The following C14orf39 variants were observed in gnomAD, a reference collection of about 807,000 sequenced individuals.
The protein encoded by C14orf39 is chromosome 14 open reading frame 39, also known as protein SIX6OS1.
Under a neutral mutation model 85.6 loss-of-function variants are expected in C14orf39, and 66 were observed. The ratio of observed to expected loss-of-function variants is 0.77; its 90% CI spans 0.63 to 0.95. The LOEUF (loss-of-function observed/expected upper bound fraction) is 0.95, where lower values mean the gene tolerates loss of function less well. Ranked by LOEUF, C14orf39 falls within the 40% of genes least tolerant of loss-of-function variation. The probability of loss-of-function intolerance (pLI) is 0.00; values close to 1 mark genes in which losing one functional copy is unlikely to be tolerated. For synonymous variants in C14orf39, 242 were observed against 214.0 expected (o/e 1.13, Z -1.14); for missense variants, 735 against 663.9 (o/e 1.11, Z -1.18).
chr14:60,461,800 G>A (rs1439632461), intron 11 of C14orf39, among the ~76,000 whole-genome samples: 1 of 152,030 alleles, frequency 6.6e-6, no homozygotes, highest in Non-Finnish European at 1.5e-5. Flanking sequence ...AAAAGTTTAA[G>A]AAATTAATGT....
chr14:60,491,974 C>G lies in C14orf39; in HGVS notation c.-8-6888G>C, dbSNP rs887082365. Among the ~76,000 whole-genome samples, 1 of 152,172 alleles carries G rather than the reference C, an allele frequency of 6.6e-6. No individual in the cohort carries two copies. The highest frequency in any genetic ancestry group is 1.5e-5 in the Non-Finnish European group (1 of 68,030). ...GCATCACCAGGTACAACTACAGGTG[C>G]TTCCCTATTGATCATGTATTTACAA... On this transcript the variant is annotated intron_variant, in intron 2 of 5. Transcript: ENST00000556799. This position sits in a 1 kb window ranked among gnomAD's most constrained non-coding sequence, Gnocchi z 4.5.
intron 16 of C14orf39, among the ~76,000 whole-genome samples, chr14:60,447,723 C>T (rs1267341412): frequency 6.6e-6 from 1 of 152,118 alleles, no homozygotes; most frequent in Admixed American, 6.5e-5. Flanking sequence ...CCAAAAAAAG[C>T]CCGCATAGCC....
chr14:60,460,066 T>C (rs1436979058), intron 13 of C14orf39, among the ~76,000 whole-genome samples: 1 of 151,752 alleles, frequency 6.6e-6, no homozygotes, highest in African/African-American at 2.4e-5. Flanking sequence ...CTGAGAGCTT[T>C]ATAGTTTTTG....
chr14:60,441,659 C>T (rs376994461), intron 17 of C14orf39, among the ~76,000 whole-genome samples: 19 of 151,710 alleles, frequency 1.3e-4, no homozygotes, highest in Admixed American at 5.3e-4. Flanking sequence ...ATATAATACA[C>T]GTACATATTT....
intron 14 of C14orf39, among the ~76,000 whole-genome samples, chr14:60,458,427 C>T (rs1460517710): frequency 5.3e-5 from 8 of 151,854 alleles, no homozygotes; most frequent in African/African-American, 1.2e-4. Context: ...CCAGTTCCAA[C>T]GATGTTGCTG....
intron 1 of C14orf39, among the ~76,000 whole-genome samples, chr14:60,485,507 C>T (rs1892842416): frequency 6.6e-6 from 1 of 152,242 alleles, no homozygotes; most frequent in Non-Finnish European, 1.5e-5. Context: ...GAAAGCCCTT[C>T]CCCAACACCC....
chr14:60,451,522 T>C (rs2140055213), intron 16 of C14orf39, among the ~76,000 whole-genome samples: 1 of 152,064 alleles, frequency 6.6e-6, no homozygotes, highest in Non-Finnish European at 1.5e-5. Flanking sequence ...AAAGGATGAG[T>C]TCATGTCCTT....
intron 7 of C14orf39, among the ~76,000 whole-genome samples, chr14:60,471,151 T>C (rs914290765): frequency 2.6e-5 from 4 of 151,902 alleles, no homozygotes. Flanking sequence ...CAGACCAATA[T>C]AACATTTTCA....
At chr14:60,447,468 C>G (rs1405670458) in intron 16 of C14orf39, among the ~76,000 whole-genome samples, 1 of 151,958 alleles carries the variant, frequency 6.6e-6, no homozygotes, top group African/African-American at 2.4e-5. Flanking sequence ...AATAAAATAC[C>G]AGAAATACAA....
At chr14:60,455,245 G>T in intron 15 of C14orf39, 100 bp from the exon 16 acceptor site, 1 of 729,774 alleles carries the variant, frequency 1.4e-6, no homozygotes, top group Non-Finnish European at 2.2e-6. Context: ...AATTAGCATA[G>T]TAGGGAAATG....
At chr14:60,478,689 T>C (rs573450812) in intron 4 of C14orf39, among the ~76,000 whole-genome samples, 18 of 152,310 alleles carry the variant, frequency 1.2e-4, no homozygotes, top group Admixed American at 1.1e-3. Flanking sequence ...ATTTCTATTA[T>C]ACACTCTGTA....
At chr14:60,480,150 G>A (rs546816247) in intron 4 of C14orf39, among the ~76,000 whole-genome samples, 20 of 152,224 alleles carry the variant, frequency 1.3e-4, no homozygotes, top group African/African-American at 3.4e-4. Context: ...GGCTGGGTGC[G>A]GTGGCCCACA....
intron 1 of C14orf39, chr14:60,510,006 C>A (rs1010002697): frequency 2.6e-6 from 4 of 1,553,114 alleles, no homozygotes; most frequent in Admixed American, 1.8e-5. Flanking sequence ...TTGAGCGCAC[C>A]GGGGAGGAGG....
At chr14:60,442,622 T>C (rs1595439556) in intron 16 of C14orf39, among the ~76,000 whole-genome samples, 1 of 152,200 alleles carries the variant, frequency 6.6e-6, no homozygotes, top group African/African-American at 2.4e-5. Flanking sequence ...GTCCATGTCA[T>C]TATTCTTCTA....
chr14:60,440,075 C>CA lies in C14orf39; in HGVS notation c.1561+1998dup, dbSNP rs958667426. ...GGGCAACAAGAGCGAAACTCTGTCT[C>CA]AAAAAAAAAGAGGATGTAAATAGAT... On this transcript the variant is annotated intron_variant, in intron 17 of 17. Coordinates refer to ENST00000321731, the MANE Select transcript of C14orf39 (RefSeq NM_174978.3). 1.0e-4 allele frequency among the ~76,000 whole-genome samples: 15 copies of CA among 149,272 alleles called. No individual in the cohort carries two copies. In the East Asian group the frequency reaches 1.6e-3, roughly 16 times the overall value.
intron 1 of C14orf39, chr14:60,509,990 C>G (rs764473643): frequency 6.3e-7 from 1 of 1,580,432 alleles, no homozygotes; most frequent in Non-Finnish European, 8.6e-7. Flanking sequence ...TAGAGGCCTC[C>G]GCGCTTTGAG....
chr14:60,498,261 A>C (rs1893096369), intron 2 of C14orf39, among the ~76,000 whole-genome samples: 1 of 152,232 alleles, frequency 6.6e-6, no homozygotes, highest in Non-Finnish European at 1.5e-5. Context: ...TATATCATTA[A>C]AACTCTTGGG....
chr14:60,454,383 T>C (rs1030403573), intron 16 of C14orf39, among the ~76,000 whole-genome samples: 1 of 151,958 alleles, frequency 6.6e-6, no homozygotes, highest in Non-Finnish European at 1.5e-5. Flanking sequence ...ATAATAGTTA[T>C]TATTTCATTT....
In C14orf39 at chr14:60,484,780, T is replaced by G. The variant is rs905023733; in HGVS notation, c.106+101A>C. On this transcript the variant is annotated intron_variant, in intron 3 of 17. Coordinates refer to ENST00000321731, the MANE Select transcript of C14orf39 (RefSeq NM_174978.3). The surrounding 1 kb of genome is among the most constrained non-coding windows in gnomAD (Gnocchi z 4.2). ...TCGCTAGAGAGAACTGACACAAAAG[T>G]TATAACGCCAACAATAAGTTGCCCT... 10 of 813,624 alleles carry G rather than the reference T, an allele frequency of 1.2e-5. No homozygotes were observed. The highest frequency in any genetic ancestry group is 1.8e-5 in the Non-Finnish European group (9 of 507,082). 50.4% of individuals were successfully genotyped at this position (813,624 alleles called of 1,614,324 possible). A position where few individuals can be genotyped will look rare whatever the true frequency, so the allele number is the denominator to read the frequency against.
Sources: allele counts gnomAD v4.1 joint callset (sites outside exome capture counted in the v4.1 genomes callset), GRCh38; gene constraint gnomAD v4.1.1; non-coding constraint Gnocchi (gnomAD v3.1); transcripts MANE v1.5; gene names NCBI Gene and HGNC (gene_info 2026-07-23, HGNC 2026-07-21).